The following KCNJ3 variants were observed in gnomAD, a reference collection of about 807,000 sequenced individuals.
KCNJ3 encodes G protein-activated inward rectifier potassium channel 1.
A neutral mutation model predicts 39.2 loss-of-function variants in KCNJ3; 4 were observed. That is an observed-to-expected ratio of 0.10 (90% confidence interval 0.05 to 0.23). The LOEUF (loss-of-function observed/expected upper bound fraction) is 0.23. KCNJ3 is among the 10% of genes least tolerant of loss of function. The pLI is 1.00. For missense variants in KCNJ3, 276 were observed against 634.9 expected (o/e 0.43, Z 6.08); for synonymous variants, 230 against 237.4 (o/e 0.97, Z 0.29).
chr2:154,778,993 A>T (rs1686387323), intron 2 of KCNJ3, among the ~76,000 whole-genome samples: 1 of 152,132 alleles, frequency 6.6e-6, no homozygotes, highest in Admixed American at 6.5e-5. Context: ...CTGAGGTGCC[A>T]TAGGATTAAA....
chr2:154,826,794 G>A (rs1029260530), intron 2 of KCNJ3, among the ~76,000 whole-genome samples: 1 of 152,146 alleles, frequency 6.6e-6, no homozygotes, highest in Non-Finnish European at 1.5e-5. Flanking sequence ...TTTTATAAAT[G>A]AACCTATCTG....
chr2:154,751,442 G>A (rs1194837129), intron 2 of KCNJ3, among the ~76,000 whole-genome samples: 1 of 151,808 alleles, frequency 6.6e-6, no homozygotes, highest in South Asian at 2.1e-4. Flanking sequence ...TTCAAATTCA[G>A]CTTTATTATT....
At chr2:154,802,864 T>G (rs907003415) in intron 2 of KCNJ3, among the ~76,000 whole-genome samples, 2 of 152,110 alleles carry the variant, frequency 1.3e-5, no homozygotes, top group African/African-American at 4.8e-5. Context: ...TACACATTTT[T>G]TTTTTGAGGG....
intron 2 of KCNJ3, among the ~76,000 whole-genome samples, chr2:154,772,275 T>C (rs1686256564): frequency 6.6e-6 from 1 of 152,186 alleles, no homozygotes; most frequent in African/African-American, 2.4e-5. Flanking sequence ...TAGTGAATAT[T>C]GTCCTGAGTG....
intron 1 of KCNJ3, among the ~76,000 whole-genome samples, chr2:154,707,534 G>T (rs1249772962): frequency 1.3e-5 from 2 of 151,954 alleles, no homozygotes; most frequent in African/African-American, 4.8e-5. Context: ...ATGAGGCACA[G>T]GTATAAATAA....
chr2:154,716,159 C>T (rs1277349428), intron 2 of KCNJ3, among the ~76,000 whole-genome samples: 2 of 151,570 alleles, frequency 1.3e-5, no homozygotes, highest in African/African-American at 2.4e-5. Flanking sequence ...TGCAGTGGTG[C>T]GATCTCGGCT....
At position 154,698,998 on chromosome 2, in the gene KCNJ3, C is replaced by T. The variant is rs1156634063; in HGVS notation, c.223C>T (p.Leu75=). The T allele has an allele frequency of 6.2e-7, 1 of 1,614,114 alleles. No individual in the cohort carries two copies. Among genetic ancestry groups the T allele is most frequent in the Non-Finnish European group, 8.5e-7 (1 of 1,180,058 alleles). ...CTACCTCTCGGACCTCTTCACCACG[C>T]TGGTGGACCTCAAGTGGCGCTGGAA... is the stretch of plus-strand genomic sequence containing the variant. The part of the protein sequence containing the change: ...SRYLSDLFTT[L]VDLKWRWNLF... Residue 75 remains leucine, a synonymous_variant, in exon 1 of 3, where the codon CTG becomes TTG. Transcript: ENST00000295101.
intron 2 of KCNJ3, among the ~76,000 whole-genome samples, chr2:154,836,429 T>G (rs532462501): frequency 6.8e-5 from 9 of 132,304 alleles, no homozygotes; most frequent in Admixed American, 2.9e-4. Context: ...TGATTTTCTG[T>G]TTTTTTTTCT....
intron 2 of KCNJ3, among the ~76,000 whole-genome samples, chr2:154,715,500 G>A (rs1283451384): frequency 6.6e-6 from 1 of 152,056 alleles, no homozygotes; most frequent in Non-Finnish European, 1.5e-5. Context: ...TCTTCCCTGG[G>A]CACTTTAATC....
At chr2:154,739,808 G>A (rs1193968144) in intron 2 of KCNJ3, among the ~76,000 whole-genome samples, 1 of 152,026 alleles carries the variant, frequency 6.6e-6, no homozygotes, top group African/African-American at 2.4e-5. Context: ...AATACTTCAA[G>A]ATATAGCCCA....
Position 154,698,743 on chromosome 2 carries a change from T to C in KCNJ3, c.-33T>C, listed in dbSNP as rs1237076200. ...CAGCGCCCAGCTCCTGCGCCTTCGC[T>C]TCGCGTTTGAATCTGGCTCGCCCCT... On this transcript the variant is annotated 5_prime_UTR_variant, in exon 1 of 3. Transcript: ENST00000295101. 2 of 1,260,402 alleles carry C rather than the reference T, an allele frequency of 1.6e-6. No individual in the cohort carries two copies. Among genetic ancestry groups the C allele is most frequent in the Non-Finnish European group, 2.2e-6 (2 of 930,196 alleles). The allele number at this position is 1,260,402 out of a possible 1,614,324, so 78.1% of individuals were successfully genotyped here.
intron 2 of KCNJ3, among the ~76,000 whole-genome samples, chr2:154,715,475 G>A (rs1205286203): frequency 6.6e-6 from 1 of 152,052 alleles, no homozygotes; most frequent in East Asian, 1.9e-4. Flanking sequence ...GCACAAGAGT[G>A]GCATATTTGT....
Position 154,855,301 on chromosome 2 carries a change from T to A in KCNJ3, c.1494T>A (p.Asp498Glu). 1 of 1,600,624 alleles carries A rather than the reference T, an allele frequency of 6.2e-7. No homozygotes were observed. Among genetic ancestry groups the A allele is most frequent in the Admixed American group, 1.8e-5 (1 of 56,726 alleles). ...LPAKLRKMNS[D>E]RFT ...CCAAATTAAGAAAAATGAACTCTGA[T>A]CGCTTCACATAACAAAGCACTCCCT... The change falls in exon 3 of 3, where the codon GAT becomes GAA. Residue 498 changes from aspartate (D) to glutamate (E), a missense_variant. Physicochemically the swap from Asp to Glu is conservative, Grantham distance 45. Transcript: ENST00000295101.
chr2:154,747,895 A>C lies in KCNJ3; in HGVS notation c.919+38076A>C, dbSNP rs921295935. 5.9e-5 allele frequency among the ~76,000 whole-genome samples: 9 copies of C among 151,966 alleles called. No individual in the cohort carries two copies. The South Asian group carries it at 1.9e-3, about 32-fold the overall frequency. ...CAGTGGCCAAGGCAGAAAAATAGTC[A>C]ATTTTTGGTCAACTGCATGGGCTTG... On this transcript the variant is annotated intron_variant, in intron 2 of 2. Transcript: ENST00000295101.
intron 2 of KCNJ3, among the ~76,000 whole-genome samples, chr2:154,817,546 A>G (rs1386875375): frequency 1.3e-5 from 2 of 152,114 alleles, no homozygotes; most frequent in African/African-American, 4.8e-5. Flanking sequence ...AACCTCATAG[A>G]ATTTTAGGAT....
intron 2 of KCNJ3, among the ~76,000 whole-genome samples, chr2:154,773,632 C>G (rs990723619): frequency 2.6e-5 from 4 of 152,044 alleles, no homozygotes; most frequent in Non-Finnish European, 1.5e-5. Flanking sequence ...TTTATTCTGA[C>G]TTTGATATCA....
At chr2:154,768,290 G>A (rs1686171730) in intron 2 of KCNJ3, among the ~76,000 whole-genome samples, 2 of 152,030 alleles carry the variant, frequency 1.3e-5, no homozygotes, top group Admixed American at 1.3e-4. Flanking sequence ...GTATTGCCTA[G>A]GTTTTCTTCT....
At chr2:154,728,721 T>A (rs1028090277) in intron 2 of KCNJ3, among the ~76,000 whole-genome samples, 1 of 152,188 alleles carries the variant, frequency 6.6e-6, no homozygotes, top group African/African-American at 2.4e-5. Context: ...AATTTTGGTC[T>A]AGATAGAGTC....
Position 154,699,100 on chromosome 2 carries a change from C to A in KCNJ3, c.325C>A (p.Arg109=), listed in dbSNP as rs1684840515. Residue 109 remains arginine (R), a synonymous_variant, in exon 1 of 3, where the codon CGG becomes AGG. Coordinates refer to ENST00000295101, the MANE Select transcript of KCNJ3 (RefSeq NM_002239.4). This position sits in a 1 kb window ranked among gnomAD's most constrained non-coding sequence, Gnocchi z 6.4. ...CATGTGGTGGGTGATCGCCTACACT[C>A]GGGGCGACCTGAACAAAGCCCACGT... ...ASMWWVIAYT[R]GDLNKAHVGN... 6.2e-7 allele frequency: 1 copy of A among 1,614,246 alleles called. No homozygotes were observed. Among genetic ancestry groups the A allele is most frequent in the Non-Finnish European group, 8.5e-7 (1 of 1,180,054 alleles).
Sources: gnomAD v4.1 joint callset for allele counts (sites outside exome capture counted in the v4.1 genomes callset) on GRCh38, gnomAD v4.1.1 for gene constraint, Gnocchi (gnomAD v3.1) non-coding constraint, MANE v1.5 for transcripts, NCBI Gene and HGNC (gene_info 2026-07-23, HGNC 2026-07-21) for gene names.